The following APBB2 variants were observed in gnomAD, a reference collection of about 807,000 sequenced individuals.
APBB2 encodes the protein amyloid beta precursor protein binding family B member 2.
In APBB2, 38 loss-of-function variants were observed where a neutral mutation model predicts 82.5. The ratio of observed to expected loss-of-function variants is 0.46; its 90% confidence interval spans 0.36 to 0.60. The LOEUF is 0.60. Among genes scored for constraint, APBB2 ranks in the 20% least tolerant of loss-of-function variants. The pLI, the probability that APBB2 is intolerant of heterozygous loss-of-function variation, is 0.00. For missense variants in APBB2, 772 were observed against 972.3 expected (o/e 0.79, Z 2.74); for synonymous variants, 341 against 368.2 (o/e 0.93, Z 0.85).
At position 40,816,081 on chromosome 4, in the gene APBB2, T is replaced by G. The variant is rs371744120; in HGVS notation, c.*11A>C. 3 of 1,609,192 alleles carry G rather than the reference T, an allele frequency of 1.9e-6. No homozygotes were observed. The highest frequency in any genetic ancestry group is 4.5e-5 in the East Asian group (2 of 44,768). On this transcript the variant is annotated 3_prime_UTR_variant, in exon 18 of 18. Transcript: ENST00000508593. ...CTTCAGGTAAATAGCCGAGTCCTTTTGCATGTGCAGCTATGGCATTTCGGT... is the reference window on the plus strand; with the variant it reads ...CTTCAGGTAAATAGCCGAGTCCTTTGGCATGTGCAGCTATGGCATTTCGGT...
intron 1 of APBB2, among the ~76,000 whole-genome samples, chr4:41,178,159 C>T (rs1333313860): frequency 2.0e-5 from 3 of 152,030 alleles, no homozygotes; most frequent in Non-Finnish European, 4.4e-5. Context: ...AAAACCTTAC[C>T]CACATGTATC....
intron 10 of APBB2, among the ~76,000 whole-genome samples, chr4:40,897,735 T>C (rs974727838): frequency 1.3e-5 from 2 of 152,102 alleles, no homozygotes; most frequent in African/African-American, 2.4e-5. Flanking sequence ...CTTGGCTTCT[T>C]CCCAAAGAAG....
intron 12 of APBB2, chr4:40,881,534 C>CTTTTTTTTTTTTTTTTTTTTTTTTT (rs71198611): frequency 6.9e-6 from 1 of 145,072 alleles, no homozygotes; most frequent in South Asian, 2.6e-4. Context: ...TTTTCTTTTT[C>CTTTTTTTTTTTTTTTTTTTTTTTTT]TTTTTTTTTT....
intron 6 of APBB2, among the ~76,000 whole-genome samples, chr4:40,977,039 G>A (rs554058992): frequency 1.3e-5 from 2 of 148,752 alleles, no homozygotes; most frequent in Admixed American, 6.6e-5. Flanking sequence ...CAGAGACTTT[G>A]TCTCAAAAAA....
Position 40,864,256 on chromosome 4 carries a change from A to AAAAACAAAACAAAACAAAAC in APBB2, c.1529+26088_1529+26107dup, listed in dbSNP as rs367804062. The stretch of plus-strand genomic sequence containing the variant: ...CGACAGAGTGAGACTCCGTCTCAAT[A>AAAAACAAAACAAAACAAAAC]AAAACAAAACAAAACAAAACAAAAC... On this transcript the variant is annotated intron_variant, in intron 12 of 17. Transcript: ENST00000508593. Among the ~76,000 whole-genome samples the AAAAACAAAACAAAACAAAAC allele has an allele frequency of 9.2e-3, 1,384 of 149,994 alleles. 16 individuals are homozygous for AAAAACAAAACAAAACAAAAC. The highest frequency in any genetic ancestry group is 0.014 in the Non-Finnish European group (939 of 67,446).
Position 40,944,859 on chromosome 4 carries a change from T to A in APBB2, c.1044+6A>T, listed in dbSNP as rs1424989556. 1 of 1,611,996 alleles carries A rather than the reference T, an allele frequency of 6.2e-7. No homozygotes were observed. Among genetic ancestry groups the A allele is most frequent in the Non-Finnish European group, 8.5e-7 (1 of 1,179,642 alleles). ...ACTAAGCTGGTAAAAAGACACTCCGTTTTACCTCGTTCTCTGGGGTGGGAG... is the reference window on the plus strand; with the variant it reads ...ACTAAGCTGGTAAAAAGACACTCCGATTTACCTCGTTCTCTGGGGTGGGAG... On this transcript the variant is annotated splice_donor_region_variant and intron_variant, in intron 7 of 17. Coordinates refer to ENST00000508593, the MANE Select transcript of APBB2 (RefSeq NM_004307.2).
chr4:40,871,681 T>C (rs1026766312), intron 12 of APBB2, among the ~76,000 whole-genome samples: 123 of 152,356 alleles, frequency 8.1e-4, no homozygotes, highest in Admixed American at 1.8e-3. Flanking sequence ...CCTGTAGTCC[T>C]GAAAGGACTA....
chr4:40,927,979 G>A (rs1005748564), intron 10 of APBB2, among the ~76,000 whole-genome samples: 1 of 152,184 alleles, frequency 6.6e-6, no homozygotes, highest in Non-Finnish European at 1.5e-5. Flanking sequence ...AATTTGGTCA[G>A]CCATGTGCCA....
At chr4:40,967,613 G>C (rs1794983454) in intron 6 of APBB2, among the ~76,000 whole-genome samples, 1 of 152,192 alleles carries the variant, frequency 6.6e-6, no homozygotes, top group Admixed American at 6.5e-5. Context: ...AGCTAGGTAT[G>C]CCTGGCTGTG....
chr4:40,926,084 TAAAAGA>T (rs1782544249), intron 10 of APBB2, among the ~76,000 whole-genome samples: 1 of 152,178 alleles, frequency 6.6e-6, no homozygotes, highest in African/African-American at 2.4e-5. Context: ...CAAATGGCCA[TAAAAGA>T]ACTAGAAGAT....
Position 41,014,320 on chromosome 4 carries a change from G to A in APBB2, c.98C>T (p.Ala33Val). Residue 33 changes from alanine to valine, a missense_variant, in exon 6 of 18, where the codon GCC (alanine) becomes GTC (valine). Coordinates refer to ENST00000508593, the MANE Select transcript of APBB2 (RefSeq NM_004307.2). Reference protein sequence around the residue: ...TTDVTNRNSPATPPNTLNLRS... With the variant: ...TTDVTNRNSPVTPPNTLNLRS... Reference sequence around the variant, plus strand: ...GAGGTTAAGGGTGTTTGGTGGTGTGGCTGGGCTGTTCCGATTTGTGACGTC... The same window carrying A: ...GAGGTTAAGGGTGTTTGGTGGTGTGACTGGGCTGTTCCGATTTGTGACGTC... 1 of 1,614,144 alleles carries A rather than the reference G, an allele frequency of 6.2e-7. No homozygotes were observed. Among genetic ancestry groups the A allele is most frequent in the Non-Finnish European group, 8.5e-7 (1 of 1,180,026 alleles).
chr4:41,061,983 C>T (rs749661737), intron 4 of APBB2, among the ~76,000 whole-genome samples: 1 of 152,174 alleles, frequency 6.6e-6, no homozygotes, highest in Non-Finnish European at 1.5e-5. Flanking sequence ...GAAATCGTTT[C>T]CCTTCTCCAG....
intron 3 of APBB2, among the ~76,000 whole-genome samples, chr4:41,099,645 T>C (rs1353903454): frequency 3.3e-5 from 5 of 152,196 alleles, no homozygotes; most frequent in African/African-American, 1.2e-4. Flanking sequence ...AAATCCGATC[T>C]TACTATTTAA....
intron 10 of APBB2, among the ~76,000 whole-genome samples, chr4:40,929,247 G>T (rs1206795834): frequency 6.6e-6 from 1 of 152,038 alleles, no homozygotes; most frequent in Non-Finnish European, 1.5e-5. Context: ...AGCCAGGAAT[G>T]GAAAGAAAGA....
intron 1 of APBB2, among the ~76,000 whole-genome samples, chr4:41,205,099 T>C (rs1777612826): frequency 6.6e-6 from 1 of 152,200 alleles, no homozygotes; most frequent in African/African-American, 2.4e-5. Flanking sequence ...TTCAGAATAA[T>C]TCTGCAAAGC....
intron 3 of APBB2, among the ~76,000 whole-genome samples, chr4:41,076,303 T>C (rs67969457): frequency 0.14 from 21,811 of 152,204 alleles, 1,882 homozygotes; most frequent in Non-Finnish European, 0.19. Context: ...AACTGGGGGA[T>C]GGCTTGCAAG....
intron 2 of APBB2, among the ~76,000 whole-genome samples, chr4:41,101,608 C>T (rs1215525779): frequency 1.3e-5 from 2 of 151,540 alleles, no homozygotes; most frequent in East Asian, 3.9e-4. Context: ...AAGAGAAAGC[C>T]GTGTTCATTT....
intron 6 of APBB2, 98 bp downstream of exon 6, chr4:41,013,485 A>T (rs1231430644): frequency 6.9e-5 from 81 of 1,174,094 alleles, no homozygotes; most frequent in Non-Finnish European, 9.7e-5. Flanking sequence ...TCCTCTCTGC[A>T]TAATGGACAT....
chr4:40,902,506 GAGAA>G (rs1175894660), intron 10 of APBB2, among the ~76,000 whole-genome samples: 2 of 152,164 alleles, frequency 1.3e-5, no homozygotes, highest in African/African-American at 4.8e-5. Flanking sequence ...TTGTGAAAGT[GAGAA>G]AGTCTGACCC....
Sources: allele counts gnomAD v4.1 joint callset (sites outside exome capture counted in the v4.1 genomes callset), GRCh38; gene constraint gnomAD v4.1.1; transcripts MANE v1.5; gene names NCBI Gene and HGNC (gene_info 2026-07-23, HGNC 2026-07-21).